MKLN1: variants seen among roughly 807,000 people sequenced by gnomAD.
MKLN1 encodes the protein muskelin 1.
A neutral mutation model predicts 99.0 loss-of-function variants in MKLN1; 18 were observed. That is an observed-to-expected ratio of 0.18 (90% CI 0.13 to 0.27). The LOEUF is 0.27. Ranked by LOEUF, MKLN1 falls within the 10% of genes least tolerant of loss-of-function variation. The probability of loss-of-function intolerance (pLI) is 1.00; values close to 1 mark genes in which losing one functional copy is unlikely to be tolerated. For synonymous variants in MKLN1, 288 were observed against 293.2 expected, an observed-to-expected ratio of 0.98 and a Z score of 0.18; for missense variants, 621 against 875.9, an observed-to-expected ratio of 0.71 and a Z score of 3.67.
At chr7:131,381,771 T>G (rs1793853105) in intron 2 of MKLN1, among the ~76,000 whole-genome samples, 1 of 152,164 alleles carries the variant, frequency 6.6e-6, no homozygotes, top group South Asian at 2.1e-4. Context: ...TTTCTTTTTT[T>G]TGTCCTCTCA....
intron 3 of MKLN1, among the ~76,000 whole-genome samples, chr7:131,319,439 T>C (rs1482357669): frequency 6.6e-6 from 1 of 152,148 alleles, no homozygotes; most frequent in East Asian, 1.9e-4. Context: ...TGATAGAACA[T>C]ATCTCAAAAT....
rs912344803 is a variant in MKLN1, at chr7:131,488,379, C to T, written c.*651C>T. Reference sequence around the variant, plus strand: ...TTGGCCATAGAACTAAAAATGAAACCTGAGATTGACCCAAGCACCTATCTG... The same window carrying T: ...TTGGCCATAGAACTAAAAATGAAACTTGAGATTGACCCAAGCACCTATCTG... On this transcript the variant is annotated 3_prime_UTR_variant, in exon 18 of 18. Coordinates refer to ENST00000352689, the MANE Select transcript of MKLN1 (RefSeq NM_013255.5). 2.0e-5 allele frequency: 3 copies of T among 152,248 alleles called. No individual in the cohort carries two copies. Among genetic ancestry groups the T allele is most frequent in the Non-Finnish European group, 4.4e-5 (3 of 67,964 alleles). The allele number at this position is 152,248 out of a possible 1,614,324, so 9.4% of individuals were successfully genotyped here. A position where few individuals can be genotyped will look rare whatever the true frequency, so the allele number is the denominator to read the frequency against.
intron 3 of MKLN1, among the ~76,000 whole-genome samples, chr7:131,213,622 C>T (rs944189787): frequency 9.2e-5 from 14 of 152,108 alleles, no homozygotes; most frequent in African/African-American, 3.1e-4. Flanking sequence ...GGAAAATCAC[C>T]CTTGGTTGAA....
chr7:131,181,816 C>T (rs926717876), intron 2 of MKLN1, among the ~76,000 whole-genome samples: 7 of 152,112 alleles, frequency 4.6e-5, no homozygotes, highest in Non-Finnish European at 8.8e-5. Flanking sequence ...CAAGCCACCA[C>T]GCCCAGCTAA....
chr7:131,288,555 G>A (rs1026487801), intron 3 of MKLN1, among the ~76,000 whole-genome samples: 1 of 151,450 alleles, frequency 6.6e-6, no homozygotes, highest in African/African-American at 2.4e-5. Flanking sequence ...ATATACTCAG[G>A]TTACCTCAGT....
intron 3 of MKLN1, among the ~76,000 whole-genome samples, chr7:131,291,449 A>G (rs10250416): frequency 0.082 from 12,451 of 151,790 alleles, 585 homozygotes; most frequent in East Asian, 0.15. Flanking sequence ...ATGTTATTTT[A>G]AGCTTCAAAT....
At chr7:131,458,607 C>G (rs1177266285) in intron 12 of MKLN1, among the ~76,000 whole-genome samples, 4 of 152,186 alleles carry the variant, frequency 2.6e-5, no homozygotes, top group Middle Eastern at 3.4e-3. Flanking sequence ...ACTTCCTTTT[C>G]CTGTGTCATG....
intron 3 of MKLN1, among the ~76,000 whole-genome samples, chr7:131,238,174 C>T (rs374901864): frequency 1.3e-5 from 2 of 151,920 alleles, no homozygotes; most frequent in African/African-American, 2.4e-5. Flanking sequence ...AGCTAAAGGG[C>T]TATCTTGAAG....
rs60866269 is a variant in MKLN1 at position 131,405,913 on chromosome 7, G to C, written c.704-5393G>C. ...ATTCTTTAGTTGTTGGAGCAGTGTT[G>C]TATATTTGTTCAGTTGGTCAGAGTT... On this transcript the variant is annotated intron_variant, in intron 6 of 17. Transcript: ENST00000352689. Among the ~76,000 whole-genome samples, 445 of 152,116 alleles carry C rather than the reference G, an allele frequency of 2.9e-3. 1 individual carries two copies. The highest frequency in any genetic ancestry group is 0.01 in the African/African-American group (421 of 41,532).
intron 3 of MKLN1, among the ~76,000 whole-genome samples, chr7:131,316,480 A>C (rs915535175): frequency 2.6e-5 from 4 of 152,240 alleles, no homozygotes; most frequent in African/African-American, 9.6e-5. Context: ...AAAGGTAGAT[A>C]AATCCACGAA....
intron 16 of MKLN1, among the ~76,000 whole-genome samples, chr7:131,474,129 A>G (rs1423709480): frequency 6.6e-6 from 1 of 152,208 alleles, no homozygotes. Flanking sequence ...CAGCCTGGGC[A>G]ACAAGGAGTT....
chr7:131,461,272 A>G (rs1262324019), intron 12 of MKLN1, among the ~76,000 whole-genome samples: 7 of 148,550 alleles, frequency 4.7e-5, no homozygotes, highest in Admixed American at 4.7e-4. Context: ...TTTTTTTAAT[A>G]CTTTAAATTT....
chr7:131,339,295 A>C (rs1799338225), intron 1 of MKLN1, among the ~76,000 whole-genome samples: 1 of 152,246 alleles, frequency 6.6e-6, no homozygotes, highest in African/African-American at 2.4e-5. Context: ...AAAACTGAGA[A>C]GTTATTGTTA....
intron 3 of MKLN1, among the ~76,000 whole-genome samples, chr7:131,262,043 G>A (rs1563270963): frequency 6.6e-6 from 1 of 152,154 alleles, no homozygotes; most frequent in African/African-American, 2.4e-5. Context: ...TGGGTACTAT[G>A]CGTATTATCT....
intron 3 of MKLN1, among the ~76,000 whole-genome samples, chr7:131,306,240 A>C (rs1238971520): frequency 6.6e-6 from 1 of 152,234 alleles, no homozygotes; most frequent in African/African-American, 2.4e-5. Flanking sequence ...GTAGTTCTTT[A>C]TAGCAGTGTG....
chr7:131,369,557 T>G (rs1310177022), intron 1 of MKLN1, among the ~76,000 whole-genome samples: 1 of 152,240 alleles, frequency 6.6e-6, no homozygotes, highest in African/African-American at 2.4e-5. Context: ...GTTGTTCATC[T>G]TATTCTTATC....
intron 1 of MKLN1, among the ~76,000 whole-genome samples, chr7:131,131,845 G>C (rs1795556988): frequency 6.6e-6 from 1 of 152,162 alleles, no homozygotes; most frequent in African/African-American, 2.4e-5. Context: ...CATTTATTGA[G>C]AACTTACATC....
chr7:131,300,229 G>T (rs1798355623), intron 3 of MKLN1, among the ~76,000 whole-genome samples: 1 of 151,912 alleles, frequency 6.6e-6, no homozygotes, highest in African/African-American at 2.4e-5. Flanking sequence ...AGAAATACAA[G>T]AAATAGGTGC....
chr7:131,419,834 G>C (rs1247967756), intron 8 of MKLN1, among the ~76,000 whole-genome samples: 1 of 152,154 alleles, frequency 6.6e-6, no homozygotes, highest in Non-Finnish European at 1.5e-5. Flanking sequence ...AAACTGTGTT[G>C]AGTTTTTTAG....
Sources: allele counts gnomAD v4.1 joint callset (sites outside exome capture counted in the v4.1 genomes callset), GRCh38; gene constraint gnomAD v4.1.1; transcripts MANE v1.5; gene names NCBI Gene and HGNC (gene_info 2026-07-23, HGNC 2026-07-21).